The following STAU1 variants were observed in gnomAD, a reference collection of about 807,000 sequenced individuals.
STAU1 encodes the protein double-stranded RNA-binding protein Staufen homolog 1.
Under a neutral mutation model 62.9 loss-of-function variants are expected in STAU1, and 13 were observed. That is an observed-to-expected ratio of 0.21 (90% CI 0.13 to 0.33). The LOEUF (loss-of-function observed/expected upper bound fraction) is 0.33, where lower values mean the gene tolerates loss of function less well. STAU1 is among the 10% of genes least tolerant of loss of function. STAU1 has a pLI of 1.00. For synonymous variants in STAU1, 269 were observed against 265.1 expected (o/e 1.01, Z -0.14); for missense variants, 571 against 712.1 (o/e 0.80, Z 2.25).
chr20:49,162,555 A>T (rs1480569037), intron 3 of STAU1, among the ~76,000 whole-genome samples: 1 of 152,118 alleles, frequency 6.6e-6, no homozygotes, highest in African/African-American at 2.4e-5. Context: ...CAGGCGGATC[A>T]CGAGGTCAGA....
chr20:49,141,203 A>G (rs867096075), intron 5 of STAU1, among the ~76,000 whole-genome samples: 1 of 152,334 alleles, frequency 6.6e-6, no homozygotes, highest in Middle Eastern at 3.4e-3. Context: ...CATACAGAAA[A>G]GTACAGATAA....
intron 5 of STAU1, among the ~76,000 whole-genome samples, chr20:49,147,703 T>C (rs1049727856): frequency 1.3e-5 from 2 of 152,196 alleles, no homozygotes; most frequent in African/African-American, 4.8e-5. Context: ...ACCTAAATAA[T>C]CAAGTCCCTG....
chr20:49,121,858 T>C (rs1004191316), intron 8 of STAU1, among the ~76,000 whole-genome samples: 3 of 152,216 alleles, frequency 2.0e-5, no homozygotes, highest in African/African-American at 4.8e-5. Context: ...CCCTTCCAAG[T>C]TGATTGTAAT....
intron 6 of STAU1, chr20:49,135,155 G>T: frequency 2.7e-6 from 2 of 737,052 alleles, no homozygotes; most frequent in Non-Finnish European, 4.9e-6. Flanking sequence ...TCTTGATCAA[G>T]AATTTGGGTG....
At chr20:49,213,942 T>C in the STAU1 span, among the ~76,000 whole-genome samples, 1 of 152,218 alleles carries the variant, frequency 6.6e-6, no homozygotes, top group Non-Finnish European at 1.5e-5. Flanking sequence ...GCCAGGTGGG[T>C]GGCTCATGCC....
the STAU1 span, among the ~76,000 whole-genome samples, chr20:49,205,393 T>A: frequency 1.5e-5 from 2 of 133,986 alleles, no homozygotes; most frequent in Non-Finnish European, 3.1e-5. Context: ...TGAGATGGAG[T>A]CTTGCCCTGT....
intron 5 of STAU1, among the ~76,000 whole-genome samples, chr20:49,151,375 G>A (rs913221542): frequency 6.6e-6 from 1 of 152,112 alleles, no homozygotes; most frequent in Admixed American, 6.5e-5. Context: ...GAAAAAGAAG[G>A]CAACTGACTT....
chr20:49,205,916 T>G, the STAU1 span, among the ~76,000 whole-genome samples: 4 of 149,806 alleles, frequency 2.7e-5, no homozygotes, highest in Non-Finnish European at 4.4e-5. Flanking sequence ...TCAGGTGATC[T>G]GCCCAACTCG....
At chr20:49,174,975 A>G (rs1305990620) in intron 1 of STAU1, among the ~76,000 whole-genome samples, 3 of 150,272 alleles carry the variant, frequency 2.0e-5, no homozygotes, top group Non-Finnish European at 4.4e-5. Flanking sequence ...CCTGGCCAAC[A>G]TGGGGAAACC....
At chr20:49,177,840 T>A (rs565777339) in intron 1 of STAU1, among the ~76,000 whole-genome samples, 2 of 152,238 alleles carry the variant, frequency 1.3e-5, no homozygotes, top group East Asian at 3.9e-4. Context: ...CAGCAGTCAT[T>A]TGGATCTCAA....
intron 4 of STAU1, among the ~76,000 whole-genome samples, 160 bp downstream of exon 4, chr20:49,153,773 A>AG (rs1307743827): frequency 6.9e-6 from 1 of 145,566 alleles, no homozygotes; most frequent in South Asian, 2.3e-4. Context: ...AAGGCGGGGG[A>AG]GGGGCACAAA....
At position 49,124,580 on chromosome 20, in the gene STAU1, C is replaced by A; in HGVS notation, c.617G>T (p.Arg206Leu). Residue 206 changes from arginine to leucine, a missense_variant, in exon 7 of 14, where the codon CGG (arginine) becomes CTG (leucine). Around this residue, in one of 3 missense-constraint regions of STAU1, gnomAD observed 414 missense variants for 499.6 expected, o/e 0.83. Transcript: ENST00000371856. ...RNLPVNFEVA[R>L]ESGPPHMKNF... ...CTTCATGTGGGGTGGGCCACTCTCC[C>A]GGGCCACCTGTTTCAGAGGGAAAGA... 6.2e-7 allele frequency: 1 copy of A among 1,613,776 alleles called. No homozygotes were observed. Among genetic ancestry groups the A allele is most frequent in the Non-Finnish European group, 8.5e-7 (1 of 1,180,012 alleles).
At chr20:49,172,996 C>T (rs990880193) in intron 2 of STAU1, among the ~76,000 whole-genome samples, 4 of 151,412 alleles carry the variant, frequency 2.6e-5, no homozygotes, top group African/African-American at 7.3e-5. Flanking sequence ...TCCCGCCCCC[C>T]AACACCTGGC....
At chr20:49,188,393 C>T (rs1315039037), upstream of STAU1, 1 of 151,620 alleles carries the variant, frequency 6.6e-6, no homozygotes, top group Non-Finnish European at 1.5e-5. Context: ...GGCGCCCGCC[C>T]CCGGCCCCCG....
At chr20:49,198,971 G>GC in the STAU1 span, among the ~76,000 whole-genome samples, 9 of 148,842 alleles carry the variant, frequency 6.0e-5, no homozygotes, top group East Asian at 2.0e-4. Context: ...CCGTCCCCCT[G>GC]CCCCCCCGCC....
intron 1 of STAU1, among the ~76,000 whole-genome samples, chr20:49,185,639 G>A (rs1051155366): frequency 1.3e-5 from 2 of 152,096 alleles, no homozygotes; most frequent in Non-Finnish European, 2.9e-5. Flanking sequence ...AGTTTGTGTG[G>A]GGGGATACAA....
At chr20:49,124,288 T>C in intron 7 of STAU1, 87 bp downstream of exon 7, 2 of 1,418,726 alleles carry the variant, frequency 1.4e-6, no homozygotes, top group Non-Finnish European at 1.9e-6. Flanking sequence ...TCATCCCCTT[T>C]CACCTTGGGG....
At chr20:49,175,628 C>A (rs1035373844) in intron 1 of STAU1, among the ~76,000 whole-genome samples, 1 of 151,212 alleles carries the variant, frequency 6.6e-6, no homozygotes, top group African/African-American at 2.4e-5. Context: ...TACAGGTGCC[C>A]GCTACCACGC....
At chr20:49,200,063 T>G in the STAU1 span, among the ~76,000 whole-genome samples, 1 of 152,218 alleles carries the variant, frequency 6.6e-6, no homozygotes, top group Admixed American at 6.6e-5. Flanking sequence ...CCACCTGGTA[T>G]GACAGTTTGG....
Sources: gnomAD v4.1 joint callset for allele counts (sites outside exome capture counted in the v4.1 genomes callset) on GRCh38, gnomAD v4.1.1 for gene constraint, gnomAD v4.1.1 regional missense constraint, MANE v1.5 for transcripts, NCBI Gene and HGNC (gene_info 2026-07-23, HGNC 2026-07-21) for gene names.